CLIP4: variants seen among roughly 807,000 people sequenced by gnomAD.
CLIP4 encodes CAP-Gly domain containing linker protein family member 4.
Under a neutral mutation model 73.1 loss-of-function variants are expected in CLIP4, and 47 were observed. The observed-to-expected ratio is 0.64, with a 90% confidence interval of 0.51 to 0.82. The LOEUF (loss-of-function observed/expected upper bound fraction) is 0.82, where lower values mean the gene tolerates loss of function less well. Among genes scored for constraint, CLIP4 ranks in the 40% least tolerant of loss-of-function variants. The pLI, the probability that CLIP4 is intolerant of heterozygous loss-of-function variation, is 0.00. For synonymous variants in CLIP4, 306 were observed against 295.4 expected (o/e 1.04, Z -0.37); for missense variants, 874 against 852.9 (o/e 1.02, Z -0.31).
chr2:29,142,872 T>A (rs145183770), intron 6 of CLIP4, among the ~76,000 whole-genome samples: 1 of 152,344 alleles, frequency 6.6e-6, no homozygotes, highest in East Asian at 1.9e-4. Flanking sequence ...TGACAGATAA[T>A]TCATATGATA....
rs1247446252 is a variant in CLIP4, at chr2:29,157,248, T to G, written c.1300T>G (p.Leu434Val). Reference sequence around the variant, plus strand: ...CAGCAGCTGCTCCTCTACATCTTCTTTGGAACACAGACAGAGCTACCCCAA... The same window carrying G: ...CAGCAGCTGCTCCTCTACATCTTCTGTGGAACACAGACAGAGCTACCCCAA... ...SVSSCSSTSSLEHRQSYPKKQ... is the reference protein window; with the variant it reads ...SVSSCSSTSSVEHRQSYPKKQ... The change falls in exon 11 of 16, where the codon TTG becomes GTG. Residue 434 changes from leucine (L) to valine (V), a missense_variant. Transcript: ENST00000320081. 1 of 1,614,090 alleles carries G rather than the reference T, an allele frequency of 6.2e-7. No homozygotes were observed. Among genetic ancestry groups the G allele is most frequent in the African/African-American group, 1.3e-5 (1 of 75,044 alleles).
Position 29,157,245 on chromosome 2 carries a change from T to G in CLIP4, c.1297T>G (p.Ser433Ala), listed in dbSNP as rs1201280501. ...GSVSSCSSTS[S>A]LEHRQSYPKK... ...TGTCAGCAGCTGCTCCTCTACATCT[T>G]CTTTGGAACACAGACAGAGCTACCC... The change falls in exon 11 of 16, where the codon TCT (serine) becomes GCT (alanine). Residue 433 changes from serine (S) to alanine (A), a missense_variant. By Grantham distance (99) the Ser-to-Ala change is moderately conservative (BLOSUM62 1). Transcript: ENST00000320081. 1 of 1,614,082 alleles carries G rather than the reference T, an allele frequency of 6.2e-7. No homozygotes were observed. Among genetic ancestry groups the G allele is most frequent in the Admixed American group, 1.7e-5 (1 of 60,022 alleles).
intron 1 of CLIP4, among the ~76,000 whole-genome samples, chr2:29,117,739 C>A (rs1391801749): frequency 1.3e-5 from 2 of 152,196 alleles, no homozygotes; most frequent in Non-Finnish European, 2.9e-5. Flanking sequence ...CCTCTTGAAT[C>A]TGTGCTTTCA....
rs751380774 is a variant in CLIP4, at chr2:29,157,354, A to G, written c.1399+7A>G. ...TCATCCAGAGCCAGTGCTGGTATCT[A>G]TGGCTTTTTCAACCAGGCTTTCTTG... On this transcript the variant is annotated splice_region_variant and intron_variant, in intron 11 of 15. Transcript: ENST00000320081. 2.5e-6 allele frequency: 4 copies of G among 1,613,964 alleles called. No homozygotes were observed.
intron 1 of CLIP4, among the ~76,000 whole-genome samples, chr2:29,108,065 C>A (rs960062693): frequency 1.3e-5 from 2 of 151,210 alleles, no homozygotes; most frequent in African/African-American, 2.4e-5. Context: ...GAATAATATA[C>A]AGTAGTTCCC....
At chr2:29,116,485 C>T (rs79245564) in intron 1 of CLIP4, among the ~76,000 whole-genome samples, 1 of 152,330 alleles carries the variant, frequency 6.6e-6, no homozygotes, top group African/African-American at 2.4e-5. Context: ...GGAACATCCG[C>T]CAGCACTTAA....
intron 2 of CLIP4, chr2:29,130,694 G>A: frequency 1.7e-6 from 2 of 1,143,030 alleles, no homozygotes; most frequent in Non-Finnish European, 2.2e-6. Context: ...CTCTTCTGAT[G>A]GACTGCTGCT....
intron 14 of CLIP4, chr2:29,167,772 C>T (rs574012832): frequency 8.3e-6 from 3 of 361,138 alleles, no homozygotes; most frequent in Admixed American, 4.6e-5. Context: ...TCTTCATATA[C>T]CCCATCCTCA....
chr2:29,152,260 C>T (rs914193561), intron 8 of CLIP4, among the ~76,000 whole-genome samples: 2 of 152,064 alleles, frequency 1.3e-5, no homozygotes, highest in Admixed American at 6.5e-5. Context: ...CTCTATGGCT[C>T]ACTGTTATTT....
At chr2:29,178,326 C>A (rs769497774) in intron 15 of CLIP4, among the ~76,000 whole-genome samples, 8 of 151,954 alleles carry the variant, frequency 5.3e-5, no homozygotes, top group Non-Finnish European at 1.2e-4. Context: ...ATTACAGGCT[C>A]ATACCACCAT....
intron 14 of CLIP4, 83 bp from the exon 15 acceptor site, chr2:29,174,290 A>G: frequency 8.7e-7 from 1 of 1,146,444 alleles, no homozygotes; most frequent in Non-Finnish European, 1.3e-6. Flanking sequence ...TAGAACATCT[A>G]CAGAAGAAGT....
chr2:29,163,708 T>C (rs1223106061), intron 12 of CLIP4, 123 bp from the exon 13 acceptor site: 1 of 868,890 alleles, frequency 1.2e-6, no homozygotes, highest in East Asian at 2.6e-5. Context: ...ATGAGTATCA[T>C]GATCTTCCCT....
rs56927221 is a variant in CLIP4, at chr2:29,159,683, TAAAAAA to T, written c.1400-631_1400-626del. On this transcript the variant is annotated intron_variant, in intron 11 of 15. Coordinates refer to ENST00000320081, the MANE Select transcript of CLIP4 (RefSeq NM_024692.6). ...TCAACACAGCAAGACCCTGTTTCTT[TAAAAAA>T]AAAAAAAAAAAAAAAAAAGTCAAAT... 2.1e-3 allele frequency among the ~76,000 whole-genome samples: 237 copies of T among 114,146 alleles called. 1 individual carries two copies. The highest frequency in any genetic ancestry group is 7.6e-3 in the African/African-American group (211 of 27,884). 74.9% of individuals were successfully genotyped at this position (114,146 alleles called of 152,430 possible).
Position 29,163,875 on chromosome 2 carries a change from G to A in CLIP4, c.1579G>A (p.Asp527Asn). 1.2e-6 allele frequency: 2 copies of A among 1,613,636 alleles called. No individual in the cohort carries two copies. The highest frequency in any genetic ancestry group is 3.3e-5 in the Admixed American group (2 of 60,010). The change falls in exon 13 of 16, where the codon GAT becomes AAT. Residue 527 changes from aspartate (D) to asparagine (N), a missense_variant. Physicochemically the swap from Asp to Asn is conservative, Grantham distance 23 (BLOSUM62 1). Transcript: ENST00000320081. ...GCTTGAAAAACCCCATGGCAAGAAT[G>A]ATGGTTCAGTTGGAGGTGTGCAGTA... ...IELEKPHGKN[D>N]GSVGGVQYFS...
upstream of CLIP4, among the ~76,000 whole-genome samples, chr2:29,113,216 T>A (rs1307544280): frequency 6.6e-6 from 1 of 152,220 alleles, no homozygotes; most frequent in Non-Finnish European, 1.5e-5. This position sits in a 1 kb window ranked among gnomAD's most constrained non-coding sequence, Gnocchi z 4.0. Context: ...CAGTGAGTAA[T>A]GCCCTTTCTC....
At chr2:29,112,280 A>T (rs1668403917), upstream of CLIP4, among the ~76,000 whole-genome samples, 3 of 152,222 alleles carry the variant, frequency 2.0e-5, 1 homozygote, top group South Asian at 6.2e-4. Context: ...GAGTTCCCTA[A>T]AAATTTAGTT....
In CLIP4 at chr2:29,143,921, T is replaced by C; in HGVS notation, c.861T>C (p.Asp287=). Residue 287 remains aspartate, a synonymous_variant, in exon 7 of 16, where the codon GAT becomes GAC. Transcript: ENST00000320081. Reference sequence around the variant, plus strand: ...CGTCACTTGGCCTGAAGTTGGGGGATCGTGTTGTTATTGCAGGACAGAAGG... The same window carrying C: ...CGTCACTTGGCCTGAAGTTGGGGGACCGTGTTGTTATTGCAGGACAGAAGG... The part of the protein sequence containing the change: ...MLTSLGLKLG[D]RVVIAGQKVG... The C allele has an allele frequency of 6.2e-7, 1 of 1,614,158 alleles. No homozygotes were observed. The highest frequency in any genetic ancestry group is 8.5e-7 in the Non-Finnish European group (1 of 1,180,004).
chr2:29,180,378 C>T (rs1191071672), intron 15 of CLIP4, among the ~76,000 whole-genome samples: 1 of 152,024 alleles, frequency 6.6e-6, no homozygotes, highest in Non-Finnish European at 1.5e-5. Context: ...CTGGGGAGTC[C>T]CATGCCTCAT....
At position 29,143,749 on chromosome 2, in the gene CLIP4, C is replaced by A. The variant is rs1032765226; in HGVS notation, c.689C>A (p.Pro230Gln). ...ATCCCTGCTGATGTTGTTCCAGACC[C>A]AGTAGATATGCCGTTAGAGATGGCT... ...GQIPADVVPD[P>Q]VDMPLEMADA... Residue 230 changes from proline (P) to glutamine (Q), a missense_variant, in exon 7 of 16, where the codon CCA (proline) becomes CAA (glutamine). Pro to Gln is a moderately conservative substitution (Grantham distance 76, BLOSUM62 -1). Coordinates refer to ENST00000320081, the MANE Select transcript of CLIP4 (RefSeq NM_024692.6). The A allele has an allele frequency of 6.2e-7, 1 of 1,613,954 alleles. No individual in the cohort carries two copies. The highest frequency in any genetic ancestry group is 2.2e-5 in the East Asian group (1 of 44,886).
Sources: gnomAD v4.1 joint callset for allele counts (sites outside exome capture counted in the v4.1 genomes callset) on GRCh38, gnomAD v4.1.1 for gene constraint, Gnocchi (gnomAD v3.1) non-coding constraint, MANE v1.5 for transcripts, NCBI Gene and HGNC (gene_info 2026-07-23, HGNC 2026-07-21) for gene names.